The following MAF variants were observed in gnomAD, a reference collection of about 807,000 sequenced individuals.
MAF encodes transcription factor Maf.
Under a neutral mutation model 22.0 loss-of-function variants are expected in MAF, and 10 were observed. That is an observed-to-expected ratio of 0.45 (90% CI 0.28 to 0.77). MAF has a LOEUF of 0.77. MAF is among the 30% of genes least tolerant of loss of function. MAF has a pLI of 0.12. For synonymous variants in MAF, 337 were observed against 255.8 expected, an observed-to-expected ratio of 1.32 and a Z score of -3.03; for missense variants, 544 against 548.4, an observed-to-expected ratio of 0.99 and a Z score of 0.08.
At chr16:79,223,462 C>T in the MAF span, among the ~76,000 whole-genome samples, 1 of 152,016 alleles carries the variant, frequency 6.6e-6, no homozygotes, top group Non-Finnish European at 1.5e-5. Context: ...ACTAGAGAAG[C>T]AAGAGCAAAT....
chr16:79,585,512 A>G (rs577341922), downstream of MAF, among the ~76,000 whole-genome samples: 2 of 152,232 alleles, frequency 1.3e-5, no homozygotes, highest in East Asian at 3.8e-4. Context: ...TCTGACACTC[A>G]AGTAGAAGAA....
At chr16:79,560,154 T>C in the MAF span, among the ~76,000 whole-genome samples, 1 of 151,578 alleles carries the variant, frequency 6.6e-6, no homozygotes, top group African/African-American at 2.4e-5. Flanking sequence ...CAAGCAATTC[T>C]CCTGCCTCGG....
the MAF span, among the ~76,000 whole-genome samples, chr16:79,297,071 C>G: frequency 6.6e-6 from 1 of 152,172 alleles, no homozygotes; most frequent in East Asian, 1.9e-4. Flanking sequence ...TTAATACAGT[C>G]GCTTCTTACT....
chr16:79,516,869 T>C, the MAF span, among the ~76,000 whole-genome samples: 7 of 152,166 alleles, frequency 4.6e-5, no homozygotes, highest in Admixed American at 2.0e-4. Context: ...TTAAAGCAGC[T>C]AGACCTTCAA....
At chr16:79,291,162 C>A in the MAF span, among the ~76,000 whole-genome samples, 7 of 152,172 alleles carry the variant, frequency 4.6e-5, no homozygotes, top group Non-Finnish European at 1.0e-4. Flanking sequence ...GGGCCGTCGT[C>A]TGCTGGTCTG....
the MAF span, among the ~76,000 whole-genome samples, chr16:79,252,617 G>A: frequency 1.2e-4 from 19 of 152,192 alleles, 1 homozygote; most frequent in Middle Eastern, 3.4e-3. Context: ...AGCCACCAAG[G>A]TAGCTGGGAT....
At chr16:79,363,129 T>G in the MAF span, among the ~76,000 whole-genome samples, 1 of 151,020 alleles carries the variant, frequency 6.6e-6, no homozygotes, top group African/African-American at 2.4e-5. Context: ...GAATATCTAT[T>G]AATTTAAAAA....
chr16:79,366,344 G>A, the MAF span, among the ~76,000 whole-genome samples: 2 of 152,202 alleles, frequency 1.3e-5, no homozygotes, highest in African/African-American at 2.4e-5. Flanking sequence ...CAGGGTTAGA[G>A]CCTAAAAATG....
the MAF span, among the ~76,000 whole-genome samples, chr16:79,493,699 G>A: frequency 2.0e-5 from 3 of 152,174 alleles, no homozygotes; most frequent in Non-Finnish European, 4.4e-5. Flanking sequence ...TTGATAAAAG[G>A]GTGGAGCTAA....
the MAF span, among the ~76,000 whole-genome samples, chr16:79,237,544 C>T: frequency 6.6e-6 from 1 of 152,080 alleles, no homozygotes; most frequent in Non-Finnish European, 1.5e-5. Context: ...GGGTGATTCA[C>T]TTTCACACAC....
the MAF span, among the ~76,000 whole-genome samples, chr16:79,382,251 T>G: frequency 6.6e-6 from 1 of 152,228 alleles, no homozygotes; most frequent in Non-Finnish European, 1.5e-5. Flanking sequence ...TAAATGAGTG[T>G]CTAATCCTAC....
chr16:79,575,180 C>T, the MAF span, among the ~76,000 whole-genome samples: 7 of 152,120 alleles, frequency 4.6e-5, no homozygotes, highest in African/African-American at 1.7e-4. Context: ...TCACTCCTCT[C>T]TTCTAAAGGG....
chr16:79,444,673 TC>T, the MAF span, among the ~76,000 whole-genome samples: 2 of 152,230 alleles, frequency 1.3e-5, no homozygotes, highest in African/African-American at 2.4e-5. Context: ...GACAGAGGCC[TC>T]GTCCCTTGGA....
chr16:79,421,989 G>A, the MAF span, among the ~76,000 whole-genome samples: 10 of 152,262 alleles, frequency 6.6e-5, no homozygotes, highest in Middle Eastern at 3.4e-3. Flanking sequence ...TGTTGGCCAG[G>A]CTGGTCTCGA....
chr16:79,252,940 T>C, the MAF span, among the ~76,000 whole-genome samples: 2 of 152,188 alleles, frequency 1.3e-5, no homozygotes, highest in African/African-American at 2.4e-5. Flanking sequence ...TACTTTCCTC[T>C]CCATTTTTCT....
At chr16:79,275,523 C>T in the MAF span, among the ~76,000 whole-genome samples, 2 of 152,146 alleles carry the variant, frequency 1.3e-5, no homozygotes, top group Admixed American at 6.5e-5. Context: ...GTCACTTGCT[C>T]AGACTCAAAG....
chr16:79,376,743 C>G, the MAF span, among the ~76,000 whole-genome samples: 1 of 152,110 alleles, frequency 6.6e-6, no homozygotes, highest in Non-Finnish European at 1.5e-5. Flanking sequence ...TGTTATTGTT[C>G]AATTCCCACC....
downstream of MAF, among the ~76,000 whole-genome samples, chr16:79,593,192 G>C (rs1054430348): frequency 2.0e-5 from 3 of 152,206 alleles, no homozygotes; most frequent in Admixed American, 6.5e-5. Flanking sequence ...ATTTCGTAAA[G>C]CCAAGAGTAT....
the MAF span, among the ~76,000 whole-genome samples, chr16:79,293,288 C>T: frequency 6.6e-6 from 1 of 151,986 alleles, no homozygotes; most frequent in Non-Finnish European, 1.5e-5. Context: ...ATAGGGGTGC[C>T]CAAAACAGAG....
Sources: gnomAD v4.1 joint callset for allele counts (sites outside exome capture counted in the v4.1 genomes callset) on GRCh38, gnomAD v4.1.1 for gene constraint, MANE v1.5 for transcripts, NCBI Gene and HGNC (gene_info 2026-07-23, HGNC 2026-07-21) for gene names.